SATB1: variants seen among roughly 807,000 people sequenced by gnomAD.
SATB1 encodes the protein DNA-binding protein SATB1.
A neutral mutation model predicts 86.9 loss-of-function variants in SATB1; 11 were observed. That is an observed-to-expected ratio of 0.13 (90% confidence interval 0.08 to 0.21). The LOEUF (loss-of-function observed/expected upper bound fraction) is 0.21. Ranked by LOEUF, SATB1 falls within the 10% of genes least tolerant of loss-of-function variation. The pLI is 1.00. For missense variants in SATB1, 551 were observed against 937.6 expected, an observed-to-expected ratio of 0.59 and a Z score of 5.39; for synonymous variants, 357 against 357.2, an observed-to-expected ratio of 1.00 and a Z score of 0.01.
intron 7 of SATB1, among the ~76,000 whole-genome samples, chr3:18,391,885 A>ATG (rs574988305): frequency 4.5e-4 from 69 of 152,256 alleles, no homozygotes; most frequent in African/African-American, 1.6e-3. Flanking sequence ...CTGTGTATGT[A>ATG]TGTGTGTGTG....
chr3:18,385,092 T>A (rs919990749), intron 8 of SATB1, among the ~76,000 whole-genome samples: 2 of 152,232 alleles, frequency 1.3e-5, no homozygotes. Context: ...TTCTTATTTA[T>A]GCAGTATCCG....
In SATB1 at chr3:18,378,281, C is replaced by G; in HGVS notation, c.1464G>C (p.Glu488Asp). Residue 488 changes from glutamate (E) to aspartate (D), a missense_variant, in exon 9 of 11, where the codon GAG (glutamate) becomes GAC (aspartate). Around this residue, in one of 8 missense-constraint regions of SATB1, gnomAD observed 110 missense variants for 212.2 expected, o/e 0.52. Coordinates refer to ENST00000338745, the MANE Select transcript of SATB1 (RefSeq NM_002971.6). ...AAGCATTAATGTTCATGGTATTGTT[C>G]TCTGGTTTCCCATTCCTTTCAGTGG... ...TIATERNGKP[E>D]NNTMNINASI... 2 of 1,611,298 alleles carry G rather than the reference C, an allele frequency of 1.2e-6. No homozygotes were observed. Among genetic ancestry groups the G allele is most frequent in the Non-Finnish European group, 1.7e-6 (2 of 1,178,938 alleles).
chr3:18,441,185 C>T (rs1219775151), upstream of SATB1, among the ~76,000 whole-genome samples: 1 of 152,174 alleles, frequency 6.6e-6, no homozygotes, highest in Non-Finnish European at 1.5e-5. Context: ...TGATGATATC[C>T]TTCCTAACAG....
At position 18,394,525 on chromosome 3, in the gene SATB1, A is replaced by G; in HGVS notation, c.1143T>C (p.Asp381=). 1.2e-6 allele frequency: 2 copies of G among 1,614,222 alleles called. No individual in the cohort carries two copies. The highest frequency in any genetic ancestry group is 1.1e-5 in the South Asian group (1 of 91,080). Residue 381 remains aspartate (D), a synonymous_variant, in exon 7 of 11, where the codon GAT becomes GAC. Coordinates refer to ENST00000338745, the MANE Select transcript of SATB1 (RefSeq NM_002971.6). The surrounding 1 kb of genome is among the most constrained non-coding windows in gnomAD (Gnocchi z 5.9). ...VSSEIYQWVR[D]ELKRAGISQA... ...GGGAGATTCCTGCTCGTTTCAGTTC[A>G]TCGCGTACCCACTGGTAGATTTCGG...
intron 5 of SATB1, among the ~76,000 whole-genome samples, chr3:18,413,717 A>T (rs1424412369): frequency 6.6e-6 from 1 of 152,112 alleles, no homozygotes; most frequent in Non-Finnish European, 1.5e-5. Flanking sequence ...GGTATAACTG[A>T]AATGACAAAT....
At chr3:18,387,771 C>A (rs932657616) in intron 7 of SATB1, among the ~76,000 whole-genome samples, 2 of 152,050 alleles carry the variant, frequency 1.3e-5, no homozygotes, top group Non-Finnish European at 2.9e-5. Context: ...CAATATCCTG[C>A]AGAAACAGTT....
intron 9 of SATB1, among the ~76,000 whole-genome samples, chr3:18,359,921 G>A (rs1181489177): frequency 1.3e-5 from 2 of 151,408 alleles, no homozygotes; most frequent in Admixed American, 6.6e-5. Flanking sequence ...TACCACTATT[G>A]ACTTGTCAGA....
intron 8 of SATB1, among the ~76,000 whole-genome samples, chr3:18,385,901 T>A (rs975850765): frequency 3.3e-5 from 5 of 152,206 alleles, no homozygotes; most frequent in Non-Finnish European, 5.9e-5. Flanking sequence ...CAGCCCCATT[T>A]AAAGCTGCCT....
At chr3:18,423,468 A>G (rs1353603400) in intron 1 of SATB1, among the ~76,000 whole-genome samples, 159 bp downstream of exon 1, 3 of 152,228 alleles carry the variant, frequency 2.0e-5, no homozygotes, top group Non-Finnish European at 2.9e-5. Flanking sequence ...CCATAATCAC[A>G]TTTTAAGATT....
chr3:18,419,594 C>T (rs543606352), intron 2 of SATB1, among the ~76,000 whole-genome samples: 2 of 152,232 alleles, frequency 1.3e-5, no homozygotes, highest in South Asian at 2.1e-4. Context: ...GTCAGAAAGT[C>T]TTTTTTATAC....
At chr3:18,416,582 A>T (rs1020212254) in intron 3 of SATB1, among the ~76,000 whole-genome samples, 1 of 152,090 alleles carries the variant, frequency 6.6e-6, no homozygotes, top group Admixed American at 6.6e-5. Context: ...ATGCAAATTG[A>T]CTCTCAACAG....
intron 5 of SATB1, among the ~76,000 whole-genome samples, chr3:18,399,620 T>C (rs1286973276): frequency 2.6e-5 from 4 of 152,178 alleles, no homozygotes; most frequent in African/African-American, 9.6e-5. Context: ...CTACCCTACT[T>C]AACCCTAAAT....
intron 9 of SATB1, among the ~76,000 whole-genome samples, chr3:18,377,148 A>G (rs1242959347): frequency 6.6e-6 from 1 of 152,230 alleles, no homozygotes; most frequent in Non-Finnish European, 1.5e-5. Flanking sequence ...AAAGATTATT[A>G]TGTTACAAAT....
At chr3:18,443,340 G>A (rs1321877739), upstream of SATB1, among the ~76,000 whole-genome samples, 2 of 152,240 alleles carry the variant, frequency 1.3e-5, no homozygotes, top group Non-Finnish European at 1.5e-5. This position sits in a 1 kb window ranked among gnomAD's most constrained non-coding sequence, Gnocchi z 4.4. Context: ...TCTCTCTGGG[G>A]AATAGGGCAT....
At chr3:18,374,179 C>A (rs1215398747) in intron 9 of SATB1, among the ~76,000 whole-genome samples, 1 of 152,148 alleles carries the variant, frequency 6.6e-6, no homozygotes, top group Non-Finnish European at 1.5e-5. Context: ...TGTCTCCTTG[C>A]TGGACACACA....
upstream of SATB1, among the ~76,000 whole-genome samples, chr3:18,440,618 CAT>C (rs1300270314): frequency 4.6e-5 from 7 of 152,162 alleles, no homozygotes; most frequent in Non-Finnish European, 2.9e-5. Context: ...AGGAAGTGTT[CAT>C]TCCACACGAG....
At chr3:18,423,257 G>T (rs767943924) in intron 1 of SATB1, among the ~76,000 whole-genome samples, 1 of 152,108 alleles carries the variant, frequency 6.6e-6, no homozygotes, top group Non-Finnish European at 1.5e-5. Context: ...GCTACTTTCT[G>T]AAAATCCCAT....
chr3:18,423,946 A>C lies in SATB1; in HGVS notation c.-344T>G, dbSNP rs560385529. ...GGGTTTGTAAAATGTCTAACCTCAG[A>C]GAACAGGGTTTGCGATGGGGAGGAG... On this transcript the variant is annotated 5_prime_UTR_variant, in exon 1 of 11. Transcript: ENST00000338745. The C allele has an allele frequency of 6.6e-6, 1 of 152,142 alleles. No individual in the cohort carries two copies. Among genetic ancestry groups the C allele is most frequent in the Non-Finnish European group, 1.5e-5 (1 of 67,992 alleles). 9.4% of individuals were successfully genotyped at this position (152,142 alleles called of 1,614,324 possible). A position where few individuals can be genotyped will look rare whatever the true frequency, so the allele number is the denominator to read the frequency against.
chr3:18,351,346 C>T (rs1291083082), intron 10 of SATB1: 9 of 1,553,294 alleles, frequency 5.8e-6, no homozygotes, highest in African/African-American at 1.4e-5. Context: ...GTGCAGGGGT[C>T]GGCAGGCCTG....
Sources: gnomAD v4.1 joint callset for allele counts (sites outside exome capture counted in the v4.1 genomes callset) on GRCh38, gnomAD v4.1.1 for gene constraint, gnomAD v4.1.1 regional missense constraint, Gnocchi (gnomAD v3.1) non-coding constraint, MANE v1.5 for transcripts, NCBI Gene and HGNC (gene_info 2026-07-23, HGNC 2026-07-21) for gene names.